Variants in AFG2A observed in about 807,000 individuals in gnomAD.
AFG2A encodes AAA ATPase AFG2A.
chr4:122,973,789 C>T, the AFG2A span, among the ~76,000 whole-genome samples: 1 of 152,096 alleles, frequency 6.6e-6, no homozygotes, highest in Non-Finnish European at 1.5e-5. Flanking sequence ...TTCCTGGGCT[C>T]AAACAGTCAT....
chr4:123,123,343 A>C, the AFG2A span, among the ~76,000 whole-genome samples: 1 of 152,190 alleles, frequency 6.6e-6, no homozygotes, highest in African/African-American at 2.4e-5. Context: ...TTTAGAGAGA[A>C]CTTAGTTTGG....
At chr4:123,029,477 A>G in the AFG2A span, among the ~76,000 whole-genome samples, 32 of 152,310 alleles carry the variant, frequency 2.1e-4, no homozygotes, top group South Asian at 6.4e-3. Flanking sequence ...TTTTTATAGA[A>G]TGATACTTAG....
the AFG2A span, among the ~76,000 whole-genome samples, chr4:123,300,619 TCA>T: frequency 6.6e-6 from 1 of 152,214 alleles, no homozygotes; most frequent in African/African-American, 2.4e-5. Flanking sequence ...TTAAATTCAC[TCA>T]CAGTTTAAAT....
the AFG2A span, among the ~76,000 whole-genome samples, chr4:123,214,626 A>G: frequency 0.11 from 17,474 of 152,034 alleles, 2,938 homozygotes; most frequent in African/African-American, 0.37. Context: ...AAATATGTAT[A>G]TACTAGTCTA....
the AFG2A span, among the ~76,000 whole-genome samples, chr4:123,115,716 C>T: frequency 6.6e-6 from 1 of 152,110 alleles, no homozygotes; most frequent in Non-Finnish European, 1.5e-5. Flanking sequence ...CCCACCTGCA[C>T]CCACACCCGT....
chr4:123,092,385 G>A, the AFG2A span, among the ~76,000 whole-genome samples: 5 of 152,100 alleles, frequency 3.3e-5, no homozygotes, highest in Non-Finnish European at 7.4e-5. Flanking sequence ...TTGTCACTAC[G>A]GCTTAATCTA....
chr4:123,023,021 A>T, the AFG2A span, among the ~76,000 whole-genome samples: 4 of 123,214 alleles, frequency 3.2e-5, no homozygotes, highest in Non-Finnish European at 4.9e-5. Flanking sequence ...AACATCACAC[A>T]CTGGGGACTG....
chr4:123,065,745 T>C, the AFG2A span, among the ~76,000 whole-genome samples: 18 of 152,190 alleles, frequency 1.2e-4, no homozygotes, highest in East Asian at 3.5e-3. Context: ...ACTGAAGAAA[T>C]ATGCTGAGAA....
At chr4:123,057,110 C>T in the AFG2A span, 212 of 1,217,290 alleles carry the variant, frequency 1.7e-4, no homozygotes, top group Admixed American at 5.9e-4. Flanking sequence ...TTGACTTGTA[C>T]CTAATAGGTT....
the AFG2A span, chr4:123,057,289 G>A: frequency 6.2e-7 from 1 of 1,613,030 alleles, no homozygotes; most frequent in South Asian, 1.1e-5. Flanking sequence ...AAAGGGGCAG[G>A]TAAGAAGTAT....
At chr4:123,314,912 C>T in the AFG2A span, 4 of 151,168 alleles carry the variant, frequency 2.6e-5, no homozygotes, top group East Asian at 3.9e-4. Flanking sequence ...TGCACCACCA[C>T]ACGCAGCTAA....
At chr4:123,242,824 G>C in the AFG2A span, among the ~76,000 whole-genome samples, 2 of 152,046 alleles carry the variant, frequency 1.3e-5, no homozygotes, top group African/African-American at 4.8e-5. Context: ...CCTACAGAAG[G>C]GGAGAAAATT....
At chr4:123,300,509 G>C in the AFG2A span, among the ~76,000 whole-genome samples, 3 of 152,062 alleles carry the variant, frequency 2.0e-5, no homozygotes, top group Admixed American at 6.5e-5. Flanking sequence ...CTCCTTACAA[G>C]ACAACAGCCC....
At chr4:123,081,505 G>A in the AFG2A span, among the ~76,000 whole-genome samples, 14 of 152,070 alleles carry the variant, frequency 9.2e-5, no homozygotes, top group Non-Finnish European at 1.9e-4. Context: ...TCCATTGTCT[G>A]GACCTACCTC....
At chr4:123,130,580 TG>T in the AFG2A span, among the ~76,000 whole-genome samples, 5 of 152,258 alleles carry the variant, frequency 3.3e-5, no homozygotes, top group Admixed American at 2.6e-4. Flanking sequence ...TCTGTGTTAC[TG>T]TATCAGTAGT....
the AFG2A span, among the ~76,000 whole-genome samples, chr4:123,166,667 A>G: frequency 2.0e-5 from 3 of 152,336 alleles, no homozygotes; most frequent in Non-Finnish European, 4.4e-5. Context: ...AGGAATAGTC[A>G]TGATGAACCA....
At chr4:123,245,985 A>AT in the AFG2A span, among the ~76,000 whole-genome samples, 3,585 of 152,270 alleles carry the variant, frequency 0.024, 72 homozygotes, top group African/African-American at 0.056. Context: ...TTTCAGCTTT[A>AT]TGGGGAAGTG....
the AFG2A span, among the ~76,000 whole-genome samples, chr4:123,070,036 G>A: frequency 1.3e-5 from 2 of 152,120 alleles, no homozygotes; most frequent in Non-Finnish European, 2.9e-5. Flanking sequence ...CATATTGTAA[G>A]TAAGGCTAAG....
At chr4:123,046,242 A>G in the AFG2A span, among the ~76,000 whole-genome samples, 7 of 152,120 alleles carry the variant, frequency 4.6e-5, no homozygotes, top group Admixed American at 4.6e-4. Flanking sequence ...CTGATGTCTC[A>G]GTTGCACCAG....
Sources: gnomAD v4.1 joint callset for allele counts (sites outside exome capture counted in the v4.1 genomes callset) on GRCh38, gnomAD v4.1.1 for gene constraint, MANE v1.5 for transcripts, NCBI Gene and HGNC (gene_info 2026-07-23, HGNC 2026-07-21) for gene names.